CSRNP3: variants seen among roughly 807,000 people sequenced by gnomAD.
CSRNP3 encodes the protein cysteine and serine rich nuclear protein 3.
In CSRNP3, 12 loss-of-function variants were observed where a neutral mutation model predicts 48.0. The observed-to-expected ratio is 0.25, with a 90% CI of 0.16 to 0.41. The LOEUF is 0.41. Among genes scored for constraint, CSRNP3 ranks in the 10% least tolerant of loss-of-function variants. The pLI is 1.00. For synonymous variants in CSRNP3, 263 were observed against 269.7 expected (o/e 0.98, Z 0.24); for missense variants, 580 against 724.4 (o/e 0.80, Z 2.29).
chr2:165,657,632 C>G, intron 4 of CSRNP3, 129 bp from the exon 5 acceptor site: 2 of 1,036,672 alleles, frequency 1.9e-6, no homozygotes, highest in Non-Finnish European at 1.4e-6. Context: ...TGGGATATAA[C>G]AGTTTTAGAG....
intron 3 of CSRNP3, among the ~76,000 whole-genome samples, chr2:165,536,503 A>G (rs1684883951): frequency 6.6e-6 from 1 of 151,934 alleles, no homozygotes; most frequent in African/African-American, 2.4e-5. Context: ...CTTACTATTT[A>G]AAGTATTGGT....
At position 165,673,155 on chromosome 2, in the gene CSRNP3, T is replaced by TTTTTTTTTTC. The variant is rs367832445; in HGVS notation, c.409-3157_409-3156insTTTTTTTTTC. Among the ~76,000 whole-genome samples the TTTTTTTTTTC allele has an allele frequency of 1.4e-5, 2 of 144,018 alleles. 1 individual carries two copies. The highest frequency in any genetic ancestry group is 5.3e-5 in the African/African-American group (2 of 37,440). The allele number at this position is 144,018 out of a possible 152,430, so 94.5% of individuals were successfully genotyped here. ...TCTTTTTTTTTTTTTTTTTTTTTTTTGAGACAGGGCATCACTCTGTCACTC... is the reference window on the plus strand; with the variant it reads ...TCTTTTTTTTTTTTTTTTTTTTTTTTTTTTTTTTTCGAGACAGGGCATCACTCTGTCACTC... On this transcript the variant is annotated intron_variant, in intron 5 of 6. Transcript: ENST00000651982.
At chr2:165,622,775 A>G (rs1456265374) in intron 4 of CSRNP3, among the ~76,000 whole-genome samples, 1 of 152,248 alleles carries the variant, frequency 6.6e-6, no homozygotes, top group Non-Finnish European at 1.5e-5. Flanking sequence ...GAAGTAAGTC[A>G]CAGGATCCCA....
intron 3 of CSRNP3, among the ~76,000 whole-genome samples, chr2:165,524,391 C>T (rs1684705403): frequency 6.6e-6 from 1 of 151,858 alleles, no homozygotes; most frequent in African/African-American, 2.4e-5. Context: ...AATTCAATAG[C>T]TTATAGGTAT....
Position 165,671,666 on chromosome 2 carries a change from G to T in CSRNP3, c.409-4646G>T, listed in dbSNP as rs1269232210. Among the ~76,000 whole-genome samples the T allele has an allele frequency of 2.0e-5, 3 of 152,182 alleles. No individual in the cohort carries two copies. The East Asian group carries it at 5.8e-4, about 29-fold the overall frequency. Reference sequence around the variant, plus strand: ...GTGAAGGTCTCCAACATGCCCTGGAGACATTTTCCCCACTGTCTTGATGAT... The same window carrying T: ...GTGAAGGTCTCCAACATGCCCTGGATACATTTTCCCCACTGTCTTGATGAT... On this transcript the variant is annotated intron_variant, in intron 5 of 6. Transcript: ENST00000651982.
At chr2:165,572,613 A>G (rs1685390140) in intron 3 of CSRNP3, 1 of 152,214 alleles carries the variant, frequency 6.6e-6, no homozygotes, top group Non-Finnish European at 1.5e-5. Context: ...AATTACTCCA[A>G]CACTTCCTTG....
At chr2:165,545,419 CCAGTGTCCCCGAG>C (rs1452633582) in intron 3 of CSRNP3, among the ~76,000 whole-genome samples, 2 of 151,936 alleles carry the variant, frequency 1.3e-5, no homozygotes, top group Non-Finnish European at 2.9e-5. Flanking sequence ...AATTGCTGGC[CCAGTGTCCCCGAG>C]CAGGCAAGTT....
At chr2:165,640,407 A>G (rs1686705113) in intron 4 of CSRNP3, among the ~76,000 whole-genome samples, 2 of 152,134 alleles carry the variant, frequency 1.3e-5, no homozygotes, top group South Asian at 4.1e-4. Context: ...CCATTACTTC[A>G]CCACTGCCCT....
intron 3 of CSRNP3, among the ~76,000 whole-genome samples, chr2:165,579,111 C>T (rs12989697): frequency 0.078 from 11,921 of 152,166 alleles, 540 homozygotes; most frequent in African/African-American, 0.11. Flanking sequence ...GCAAGTTCAG[C>T]TTAAACTTAT....
Position 165,679,069 on chromosome 2 carries a change from T to C in CSRNP3, c.1074T>C (p.Asp358=). Reference sequence around the variant, plus strand: ...GCAGCTTTTGCAGCGGAGTCACAGATTCTAGCACGCAAAGCTTGGCACCTA... The same window carrying C: ...GCAGCTTTTGCAGCGGAGTCACAGACTCTAGCACGCAAAGCTTGGCACCTA... ...DGSSFCSGVT[D]SSTQSLAPSE... Residue 358 remains aspartate (D), a synonymous_variant, in exon 7 of 7, where the codon GAT becomes GAC. Transcript: ENST00000651982. 6.2e-7 allele frequency: 1 copy of C among 1,613,500 alleles called. No individual in the cohort carries two copies. The highest frequency in any genetic ancestry group is 8.5e-7 in the Non-Finnish European group (1 of 1,179,796).
At chr2:165,503,885 A>G (rs1684390651) in intron 2 of CSRNP3, among the ~76,000 whole-genome samples, 1 of 151,948 alleles carries the variant, frequency 6.6e-6, no homozygotes, top group African/African-American at 2.4e-5. Flanking sequence ...ATTTAGTCAT[A>G]GGATATACTT....
At chr2:165,623,887 G>A (rs1234056117) in intron 4 of CSRNP3, among the ~76,000 whole-genome samples, 1 of 152,174 alleles carries the variant, frequency 6.6e-6, no homozygotes, top group Admixed American at 6.5e-5. Context: ...GCAGCTGCAA[G>A]GGAGGCAACT....
intron 2 of CSRNP3, among the ~76,000 whole-genome samples, chr2:165,513,476 C>G (rs1245026133): frequency 1.3e-5 from 2 of 152,130 alleles, no homozygotes; most frequent in African/African-American, 4.8e-5. Flanking sequence ...GATTTATTCT[C>G]AAAACCCCAG....
At chr2:165,574,603 G>A (rs1056720602) in intron 3 of CSRNP3, among the ~76,000 whole-genome samples, 2 of 151,908 alleles carry the variant, frequency 1.3e-5, no homozygotes, top group Non-Finnish European at 2.9e-5. Flanking sequence ...TGAAACATGG[G>A]TGTTTTGTTC....
chr2:165,600,509 A>G (rs1685896721), intron 4 of CSRNP3, among the ~76,000 whole-genome samples: 1 of 152,212 alleles, frequency 6.6e-6, no homozygotes, highest in Admixed American at 6.5e-5. Context: ...GAATCACCAC[A>G]CTGACCTCCA....
intron 3 of CSRNP3, among the ~76,000 whole-genome samples, chr2:165,527,905 A>G (rs921973769): frequency 1.6e-4 from 24 of 152,150 alleles, no homozygotes; most frequent in African/African-American, 4.6e-4. Context: ...GGCAATAGAA[A>G]GAAAGAGACA....
chr2:165,652,460 C>T (rs986359537), intron 4 of CSRNP3, among the ~76,000 whole-genome samples: 2 of 150,878 alleles, frequency 1.3e-5, no homozygotes, highest in Admixed American at 6.6e-5. Context: ...GATCGCACCA[C>T]TGCACTCTAG....
At chr2:165,675,793 C>T (rs1342081559) in intron 5 of CSRNP3, among the ~76,000 whole-genome samples, 1 of 152,228 alleles carries the variant, frequency 6.6e-6, no homozygotes, top group East Asian at 1.9e-4. Context: ...TTTGTAATCC[C>T]TGTAGCACAG....
At chr2:165,538,391 C>T (rs1226012575) in intron 3 of CSRNP3, among the ~76,000 whole-genome samples, 1 of 151,908 alleles carries the variant, frequency 6.6e-6, no homozygotes, top group Non-Finnish European at 1.5e-5. Flanking sequence ...TCGTGATTCT[C>T]ACTAGCTTTC....
Sources: allele counts gnomAD v4.1 joint callset (sites outside exome capture counted in the v4.1 genomes callset), GRCh38; gene constraint gnomAD v4.1.1; transcripts MANE v1.5; gene names NCBI Gene and HGNC (gene_info 2026-07-23, HGNC 2026-07-21).